Variants in WTIP observed in about 807,000 individuals in gnomAD.
The protein encoded by WTIP is WT1 interacting protein, also known as Wilms tumor protein 1-interacting protein.
In WTIP, 23 loss-of-function variants were observed where a neutral mutation model predicts 41.7. The observed-to-expected ratio is 0.55, with a 90% CI of 0.40 to 0.78. WTIP has a LOEUF of 0.78. WTIP is among the 30% of genes least tolerant of loss of function. The pLI is 0.00. For synonymous variants in WTIP, 314 were observed against 269.9 expected, an observed-to-expected ratio of 1.16 and a Z score of -1.60; for missense variants, 619 against 610.5, an observed-to-expected ratio of 1.01 and a Z score of -0.15.
intron 1 of WTIP, among the ~76,000 whole-genome samples, chr19:34,490,070 C>T (rs779690862): frequency 1.3e-5 from 2 of 152,200 alleles, no homozygotes; most frequent in Non-Finnish European, 2.9e-5. Flanking sequence ...GAGACTCTGT[C>T]CCTATTTATA....
In WTIP at chr19:34,511,334, T is replaced by C. The variant is rs1393285203; in HGVS notation, c.*11065T>C. 3 of 152,044 alleles carry C rather than the reference T, an allele frequency of 2.0e-5. No individual in the cohort carries two copies. Among genetic ancestry groups the C allele is most frequent in the Non-Finnish European group, 4.4e-5 (3 of 68,008 alleles). 9.4% of individuals were successfully genotyped at this position (152,044 alleles called of 1,614,324 possible). A position where few individuals can be genotyped will look rare whatever the true frequency, so the allele number is the denominator to read the frequency against. On this transcript the variant is annotated 3_prime_UTR_variant, in exon 8 of 8. Coordinates refer to ENST00000590071, the MANE Select transcript of WTIP (RefSeq NM_001080436.2). ...CATATTCACTACCATGAGAACAATATGGGGGAAACTGCCCCCATGATTCAA... is the reference window on the plus strand; with the variant it reads ...CATATTCACTACCATGAGAACAATACGGGGGAAACTGCCCCCATGATTCAA...
chr19:34,497,334 C>T (rs1324792418), intron 7 of WTIP, among the ~76,000 whole-genome samples: 1 of 152,142 alleles, frequency 6.6e-6, no homozygotes, highest in African/African-American at 2.4e-5. Flanking sequence ...GATGGGCCTC[C>T]CTGGTCTGTT....
At chr19:34,487,135 T>G (rs113453054) in intron 1 of WTIP, among the ~76,000 whole-genome samples, 1 of 142,492 alleles carries the variant, frequency 7.0e-6, no homozygotes, top group Non-Finnish European at 1.5e-5. Flanking sequence ...GACGGAGTCT[T>G]GCTCCGTCAC....
Position 34,501,309 on chromosome 19 carries a change from C to T in WTIP, c.*1040C>T, listed in dbSNP as rs1236551685. 1 of 152,424 alleles carries T rather than the reference C, an allele frequency of 6.6e-6. No individual in the cohort carries two copies. Among genetic ancestry groups the T allele is most frequent in the East Asian group, 1.9e-4 (1 of 5,168 alleles). 9.4% of individuals were successfully genotyped at this position (152,424 alleles called of 1,614,324 possible). A position where few individuals can be genotyped will look rare whatever the true frequency, so the allele number is the denominator to read the frequency against. ...CTTTTGTCCTGAAATTCCTCTAAAA[C>T]TTCGCCACGCGTGTCCACCTTTCAG... On this transcript the variant is annotated 3_prime_UTR_variant, in exon 8 of 8. Transcript: ENST00000590071.
intron 2 of WTIP, among the ~76,000 whole-genome samples, 159 bp from the exon 3 acceptor site, chr19:34,492,875 TTTG>T (rs2075832697): frequency 6.6e-6 from 1 of 152,112 alleles, no homozygotes; most frequent in Non-Finnish European, 1.5e-5. Flanking sequence ...TTTCTGAAAT[TTTG>T]TTATTATAAC....
Position 34,483,225 on chromosome 19 carries a change from T to C in WTIP, c.667+584T>C, listed in dbSNP as rs1456115261. Among the ~76,000 whole-genome samples, 15 of 149,922 alleles carry C rather than the reference T, an allele frequency of 1.0e-4. 1 individual carries two copies. The highest frequency in any genetic ancestry group is 1.5e-5 in the Non-Finnish European group (1 of 67,560). ...TTTTTGTAGAGACAGAGTCTCCCTA[T>C]GTTGCCCAGGCTGGTCTTAAACTCC... On this transcript the variant is annotated intron_variant, in intron 1 of 7. Coordinates refer to ENST00000590071, the MANE Select transcript of WTIP (RefSeq NM_001080436.2).
At chr19:34,483,468 C>G (rs2075781553) in intron 1 of WTIP, among the ~76,000 whole-genome samples, 1 of 152,152 alleles carries the variant, frequency 6.6e-6, no homozygotes, top group African/African-American at 2.4e-5. Context: ...CCAGGTACCA[C>G]CGGATACCGC....
rs1330008344 is a variant in WTIP, at chr19:34,482,535, G to GC, written c.566dup (p.Gly190TrpfsTer60). The GC allele has an allele frequency of 8.1e-7, 1 of 1,227,272 alleles. No homozygotes were observed. Among genetic ancestry groups the GC allele is most frequent in the Non-Finnish European group, 1.0e-6 (1 of 986,040 alleles). The allele number at this position is 1,227,272 out of a possible 1,614,324, so 76.0% of individuals were successfully genotyped here. On this transcript the variant is annotated frameshift_variant, in exon 1 of 8. Transcript: ENST00000590071. LOFTEE classifies it high-confidence loss of function. The stretch of plus-strand genomic sequence containing the variant: ...CCTTCCCGCTGCCTGCACTCCCGCT[G>GC]CCCCCTGGCCGGGAGGGCGGCCCAA...
Position 34,493,669 on chromosome 19 carries a change from C to T in WTIP, c.1031+47C>T. The T allele has an allele frequency of 1.9e-6, 3 of 1,608,502 alleles. No homozygotes were observed. The highest frequency in any genetic ancestry group is 1.3e-5 in the African/African-American group (1 of 75,004). On this transcript the variant is annotated intron_variant, in intron 5 of 7. Coordinates refer to ENST00000590071, the MANE Select transcript of WTIP (RefSeq NM_001080436.2). This position sits in a 1 kb window ranked among gnomAD's most constrained non-coding sequence, Gnocchi z 4.1. ...GCAGGCGGGACTCGGGCCGTCCTCC[C>T]TGGCTCCTCTGGAAGCATTTTTTTC...
rs1389407734 is a variant in WTIP, at chr19:34,500,500, C to T, written c.*231C>T. 5 of 578,806 alleles carry T rather than the reference C, an allele frequency of 8.6e-6. No individual in the cohort carries two copies. The highest frequency in any genetic ancestry group is 6.1e-5 in the South Asian group (2 of 32,684). The allele number at this position is 578,806 out of a possible 1,614,324, so 35.9% of individuals were successfully genotyped here. ...CACCCACCCCATCACCAGCTTTCCA[C>T]TTGGAGGCCCCCTGTGCCCTGCAGC... On this transcript the variant is annotated 3_prime_UTR_variant, in exon 8 of 8. Coordinates refer to ENST00000590071, the MANE Select transcript of WTIP (RefSeq NM_001080436.2).
intron 1 of WTIP, among the ~76,000 whole-genome samples, chr19:34,487,480 C>G (rs924342513): frequency 5.3e-5 from 8 of 152,022 alleles, no homozygotes; most frequent in African/African-American, 1.9e-4. Flanking sequence ...CTGGGCAGAG[C>G]AGGGGGTACC....
chr19:34,497,754 C>T (rs967007530), intron 7 of WTIP, among the ~76,000 whole-genome samples: 3 of 152,084 alleles, frequency 2.0e-5, no homozygotes, highest in Non-Finnish European at 4.4e-5. Context: ...ATGGGAGCAC[C>T]GATTGTGTCA....
rs1177758503 is a variant in WTIP at position 34,493,593 on chromosome 19, C to T, written c.1002C>T (p.Asn334=). The T allele has an allele frequency of 6.2e-7, 1 of 1,613,502 alleles. No homozygotes were observed. The highest frequency in any genetic ancestry group is 8.5e-7 in the Non-Finnish European group (1 of 1,179,894). ...TTCCCTTCACCGTGGACGTGGAGAA[C>T]AACATCTACTGCGTGCGAGACTATC... ...DGVPFTVDVE[N]NIYCVRDYHT... The change falls in exon 5 of 8, where the codon AAC becomes AAT. Residue 334 remains asparagine, a synonymous_variant. Coordinates refer to ENST00000590071, the MANE Select transcript of WTIP (RefSeq NM_001080436.2). The surrounding 1 kb of genome is among the most constrained non-coding windows in gnomAD (Gnocchi z 4.1).
rs1467427603 is a variant in WTIP, at chr19:34,482,282, GCAGCGCCCGATC to G, written c.314_325del (p.Ala105_Ser108del). On this transcript the variant is annotated inframe_deletion, in exon 1 of 8. Transcript: ENST00000590071. ...GGGTCCGACGGCGGCGGCGGTGGCG[GCAGCGCCCGATC>G]CAGCGGCATCAGCCTGGGCTACGAC... 3.8e-6 allele frequency: 5 copies of G among 1,325,820 alleles called. No individual in the cohort carries two copies. The highest frequency in any genetic ancestry group is 1.6e-5 in the African/African-American group (1 of 64,226). 82.1% of individuals were successfully genotyped at this position (1,325,820 alleles called of 1,614,324 possible).
intron 1 of WTIP, 178 bp downstream of exon 1, chr19:34,482,819 TG>T: frequency 1.0e-6 from 1 of 978,030 alleles, no homozygotes; most frequent in African/African-American, 1.8e-5. Context: ...GCGCAAAGGG[TG>T]AGTGAGTGCG....
rs553039019 is a variant in WTIP at position 34,506,207 on chromosome 19, C to T, written c.*5938C>T. ...TGATGAGTGACTTTTCTCTTGCTGC[C>T]GTCAAGATTCCTGGCTGTGGATTGG... On this transcript the variant is annotated 3_prime_UTR_variant, in exon 8 of 8. Coordinates refer to ENST00000590071, the MANE Select transcript of WTIP (RefSeq NM_001080436.2). 1.1e-4 allele frequency: 17 copies of T among 152,326 alleles called. No homozygotes were observed. Among genetic ancestry groups the T allele is most frequent in the East Asian group, 3.9e-4 (2 of 5,176 alleles). The allele number at this position is 152,326 out of a possible 1,614,324, so 9.4% of individuals were successfully genotyped here.
Position 34,490,390 on chromosome 19 carries a change from T to C in WTIP, c.682T>C (p.Cys228Arg). The C allele has an allele frequency of 6.2e-7, 1 of 1,613,990 alleles. No homozygotes were observed. The highest frequency in any genetic ancestry group is 8.5e-7 in the Non-Finnish European group (1 of 1,179,870). ...TCCTCTCCTAGGCATTTGCATCAAG[T>C]GTGGGCTTGGCATCTACGGAGCCCA... ...ARDYFGICIK[C>R]GLGIYGAQQA... The change falls in exon 2 of 8, where the codon TGT becomes CGT. Residue 228 changes from cysteine to arginine, a missense_variant. By Grantham distance (180) the Cys-to-Arg change is radical. This residue lies in a region of WTIP where 164 missense variants were observed against 219.1 expected (regional missense o/e 0.75). Transcript: ENST00000590071.
intron 2 of WTIP, 102 bp downstream of exon 2, chr19:34,490,579 C>A (rs376203747): frequency 8.1e-7 from 1 of 1,237,450 alleles, no homozygotes; most frequent in East Asian, 2.4e-5. Flanking sequence ...AGATGGACCA[C>A]CTGGCTCTGG....
intron 1 of WTIP, among the ~76,000 whole-genome samples, chr19:34,486,481 G>C (rs2075798071): frequency 2.0e-5 from 3 of 151,626 alleles, no homozygotes; most frequent in South Asian, 2.1e-4. Flanking sequence ...GATTCTCCTG[G>C]CTCAGCCTTC....
Sources: gnomAD v4.1 joint callset for allele counts (sites outside exome capture counted in the v4.1 genomes callset) on GRCh38, gnomAD v4.1.1 for gene constraint, gnomAD v4.1.1 regional missense constraint, Gnocchi (gnomAD v3.1) non-coding constraint, MANE v1.5 for transcripts, NCBI Gene and HGNC (gene_info 2026-07-23, HGNC 2026-07-21) for gene names.